TTC21B: variants seen among roughly 807,000 people sequenced by gnomAD.
TTC21B encodes tetratricopeptide repeat protein 21B.
Under a neutral mutation model 175.1 loss-of-function variants are expected in TTC21B, and 127 were observed. The ratio of observed to expected loss-of-function variants is 0.73; its 90% CI spans 0.63 to 0.84. TTC21B has a LOEUF of 0.84. Among genes scored for constraint, TTC21B ranks in the 40% least tolerant of loss-of-function variants. The pLI, the probability that TTC21B is intolerant of heterozygous loss-of-function variation, is 0.00. For missense variants in TTC21B, 1,561 were observed against 1,558.3 expected (o/e 1.00, Z -0.03); for synonymous variants, 524 against 524.5 (o/e 1.00, Z 0.01).
At chr2:165,914,526 G>A in intron 15 of TTC21B, among the ~76,000 whole-genome samples, 1 of 152,000 alleles carries the variant, frequency 6.6e-6, no homozygotes, top group African/African-American at 2.4e-5. Flanking sequence ...ATATAATATA[G>A]ATGAGCCAAT....
chr2:165,923,576 C>T (rs1355983842), intron 12 of TTC21B, among the ~76,000 whole-genome samples: 1 of 148,876 alleles, frequency 6.7e-6, no homozygotes, highest in Admixed American at 6.8e-5. Context: ...TCCCGAGTAG[C>T]TGGGACTATA....
rs1405257373 is a variant in TTC21B, at chr2:165,898,711, TA to T, written c.2924del (p.Leu975TyrfsTer5). The T allele has an allele frequency of 1.2e-6, 2 of 1,613,104 alleles. No individual in the cohort carries two copies. The highest frequency in any genetic ancestry group is 2.7e-5 in the African/African-American group (2 of 74,900). The part of the protein sequence containing the change: ...KQDYEQAVFH[L>X]QQLLERKPDN... ...CTGGCTTACGTTCTAAAAGCTGCTG[TA>T]AATGAAACACTGCTTGTTCATAGTC... On this transcript the variant is annotated frameshift_variant, in exon 22 of 29. Transcript: ENST00000243344. LOFTEE classifies it high-confidence loss of function.
intron 15 of TTC21B, among the ~76,000 whole-genome samples, chr2:165,914,634 T>G (rs948461035): frequency 7.3e-6 from 1 of 136,454 alleles, no homozygotes; most frequent in Admixed American, 7.6e-5. Context: ...ACCCTTCTGT[T>G]TGGGGAGAAG....
At chr2:165,944,717 C>A (rs1423728854) in intron 4 of TTC21B, among the ~76,000 whole-genome samples, 1 of 152,106 alleles carries the variant, frequency 6.6e-6, no homozygotes, top group South Asian at 2.1e-4. Context: ...CTCAAGTTAC[C>A]TCTCCAAGCT....
intron 22 of TTC21B, among the ~76,000 whole-genome samples, chr2:165,893,344 A>G (rs1685257656): frequency 6.6e-6 from 1 of 152,222 alleles, no homozygotes; most frequent in Non-Finnish European, 1.5e-5. Flanking sequence ...AGCAAGAACT[A>G]AAGGTTAAAA....
chr2:165,896,432 G>A (rs1685367639), intron 22 of TTC21B, among the ~76,000 whole-genome samples: 1 of 151,912 alleles, frequency 6.6e-6, no homozygotes, highest in South Asian at 2.1e-4. Context: ...AACGTTTCTG[G>A]TCACTTGATG....
Position 165,912,642 on chromosome 2 carries a change from A to G in TTC21B, c.2212-18T>C. Reference sequence around the variant, plus strand: ...TCTTCAGGCTAATATTGCCAGACACAAAAAATAAGCAATAAAAAATAGCAT... The same window carrying G: ...TCTTCAGGCTAATATTGCCAGACACGAAAAATAAGCAATAAAAAATAGCAT... On this transcript the variant is annotated intron_variant, in intron 16 of 28. Coordinates refer to ENST00000243344, the MANE Select transcript of TTC21B (RefSeq NM_024753.5). The G allele has an allele frequency of 6.3e-7, 1 of 1,592,464 alleles. No individual in the cohort carries two copies. The highest frequency in any genetic ancestry group is 8.6e-7 in the Non-Finnish European group (1 of 1,160,420).
At chr2:165,878,741 G>C (rs1255776116) in intron 27 of TTC21B, among the ~76,000 whole-genome samples, 1 of 150,370 alleles carries the variant, frequency 6.7e-6, no homozygotes, top group East Asian at 2.0e-4. Flanking sequence ...CAGTGCAGTG[G>C]TGTGATCTCG....
chr2:165,907,755 C>G lies in TTC21B; in HGVS notation c.2491G>C (p.Gly831Arg), dbSNP rs999498695. 6.2e-7 allele frequency: 1 copy of G among 1,612,966 alleles called. No homozygotes were observed. The highest frequency in any genetic ancestry group is 2.2e-5 in the East Asian group (1 of 44,770). Residue 831 changes from glycine to arginine, a missense_variant, in exon 19 of 29, where the codon GGA becomes CGA. Coordinates refer to ENST00000243344, the MANE Select transcript of TTC21B (RefSeq NM_024753.5). ...TTTGCTAGAAGAACTTGACAACGTCCATCCTCCATGAGAGCTGACAGTTCA... is the reference window on the plus strand; with the variant it reads ...TTTGCTAGAAGAACTTGACAACGTCGATCCTCCATGAGAGCTGACAGTTCA... The part of the protein sequence containing the change: ...VNELSALMED[G>R]RCQVLLAKVY...
In TTC21B at chr2:165,929,131, T is replaced by C. The variant is rs1686787218; in HGVS notation, c.1386+4A>G. The C allele has an allele frequency of 6.2e-7, 1 of 1,612,072 alleles. No individual in the cohort carries two copies. Among genetic ancestry groups the C allele is most frequent in the African/African-American group, 1.3e-5 (1 of 74,886 alleles). ...CCTTGAAAGTAAGTCCCATAATTAC[T>C]TACCTGCATTGGACAGAAGCTCAGA... On this transcript the variant is annotated splice_donor_region_variant and intron_variant, in intron 11 of 28. Transcript: ENST00000243344.
chr2:165,898,533 C>A, intron 22 of TTC21B, 153 bp downstream of exon 22: 1 of 697,658 alleles, frequency 1.4e-6, no homozygotes. Context: ...TTCCTTATAG[C>A]CATTTCAGCT....
intron 25 of TTC21B, among the ~76,000 whole-genome samples, chr2:165,884,415 T>C (rs745513764): frequency 1.3e-5 from 2 of 152,212 alleles, no homozygotes; most frequent in Admixed American, 6.5e-5. Flanking sequence ...TTTAGGCTCC[T>C]TAGTTCTTTC....
intron 21 of TTC21B, among the ~76,000 whole-genome samples, chr2:165,899,210 T>C (rs1250961315): frequency 6.6e-6 from 1 of 152,216 alleles, no homozygotes; most frequent in Non-Finnish European, 1.5e-5. Flanking sequence ...TTATTATGTG[T>C]TTAAAAATGC....
chr2:165,930,468 G>GTGA (rs902750644), intron 8 of TTC21B, 104 bp from the exon 9 acceptor site: 1 of 785,550 alleles, frequency 1.3e-6, no homozygotes, highest in African/African-American at 1.8e-5. Flanking sequence ...CTTCAAAGGA[G>GTGA]TGATGAAAAA....
At chr2:165,937,870 T>A in intron 6 of TTC21B, among the ~76,000 whole-genome samples, 1 of 148,646 alleles carries the variant, frequency 6.7e-6, no homozygotes, top group East Asian at 2.0e-4. Context: ...AAAAAATTAC[T>A]AGTACCCTAA....
intron 17 of TTC21B, among the ~76,000 whole-genome samples, chr2:165,911,944 C>T (rs1685963876): frequency 6.6e-6 from 1 of 152,032 alleles, no homozygotes; most frequent in Non-Finnish European, 1.5e-5. Flanking sequence ...GGATTACAGG[C>T]GTGAGCCACC....
At chr2:165,902,800 T>C (rs573642964) in intron 19 of TTC21B, among the ~76,000 whole-genome samples, 4 of 152,338 alleles carry the variant, frequency 2.6e-5, no homozygotes, top group South Asian at 4.1e-4. Flanking sequence ...TTGGTTTAGA[T>C]AGAATGATCT....
intron 11 of TTC21B, among the ~76,000 whole-genome samples, chr2:165,924,966 A>G (rs532133152): frequency 1.3e-4 from 20 of 152,326 alleles, no homozygotes; most frequent in Non-Finnish European, 2.8e-4. Context: ...TATCTATTCA[A>G]AAGTTTTATC....
Position 165,919,460 on chromosome 2 carries a change from T to C in TTC21B, c.1517-27A>G, listed in dbSNP as rs774081702. 13 of 1,609,832 alleles carry C rather than the reference T, an allele frequency of 8.1e-6. No individual in the cohort carries two copies. The South Asian group carries it at 1.4e-4, about 18-fold the overall frequency. On this transcript the variant is annotated intron_variant, in intron 12 of 28. Coordinates refer to ENST00000243344, the MANE Select transcript of TTC21B (RefSeq NM_024753.5). The stretch of plus-strand genomic sequence containing the variant: ...TAATAAGAAAAACAATGCATTGTTA[T>C]AATTCAAATGATTAAGAAATGGAGA...
Sources: gnomAD v4.1 joint callset for allele counts (sites outside exome capture counted in the v4.1 genomes callset) on GRCh38, gnomAD v4.1.1 for gene constraint, MANE v1.5 for transcripts, NCBI Gene and HGNC (gene_info 2026-07-23, HGNC 2026-07-21) for gene names.